Variants in MCF2L observed in about 807,000 individuals in gnomAD.
The protein encoded by MCF2L is MCF.2 cell line derived transforming sequence like.
A neutral mutation model predicts 153.4 loss-of-function variants in MCF2L; 97 were observed. The ratio of observed to expected loss-of-function variants is 0.63; its 90% confidence interval spans 0.54 to 0.75. The LOEUF (loss-of-function observed/expected upper bound fraction) is 0.75. Among genes scored for constraint, MCF2L ranks in the 30% least tolerant of loss-of-function variants. The pLI is 0.00. For missense variants in MCF2L, 1,347 were observed against 1,495.2 expected (o/e 0.90, Z 1.64); for synonymous variants, 659 against 632.2 (o/e 1.04, Z -0.64).
At chr13:112,935,896 G>A (rs945831878) in intron 2 of MCF2L, among the ~76,000 whole-genome samples, 1 of 152,106 alleles carries the variant, frequency 6.6e-6, no homozygotes, top group Non-Finnish European at 1.5e-5. Flanking sequence ...GGGTTGATGC[G>A]GCCACAAGCA....
intron 1 of MCF2L, among the ~76,000 whole-genome samples, chr13:112,981,537 G>A (rs2140907662): frequency 6.6e-6 from 1 of 152,300 alleles, no homozygotes; most frequent in Non-Finnish European, 1.5e-5. Flanking sequence ...CCGAGCCCTG[G>A]TCCCCAGATG....
At chr13:113,065,135 A>AGAAGCTGCGCGG (rs2032160841) in intron 7 of MCF2L, 50 bp downstream of exon 7, 1 of 1,602,134 alleles carries the variant, frequency 6.2e-7, no homozygotes, top group South Asian at 1.1e-5. Context: ...CCGGTCAGTC[A>AGAAGCTGCGCGG]GAAGCTGCGC....
chr13:113,062,959 C>G (rs2031763005), intron 5 of MCF2L, among the ~76,000 whole-genome samples: 1 of 152,230 alleles, frequency 6.6e-6, no homozygotes, highest in African/African-American at 2.4e-5. Flanking sequence ...TTGATTTCAA[C>G]TGGTGTCTAC....
At chr13:113,026,218 G>A (rs368321694) in intron 3 of MCF2L, among the ~76,000 whole-genome samples, 17 of 125,478 alleles carry the variant, frequency 1.4e-4, no homozygotes, top group African/African-American at 1.3e-4. Flanking sequence ...TCTCTGTGAG[G>A]TTCCACCAGG....
chr13:113,088,858 C>T (rs1010720931), intron 25 of MCF2L, among the ~76,000 whole-genome samples: 6 of 152,222 alleles, frequency 3.9e-5, no homozygotes, highest in African/African-American at 1.4e-4. Flanking sequence ...GTGGGCTGTT[C>T]CACAGCACGG....
In MCF2L at chr13:113,066,178, C is replaced by T. The variant is rs541419625; in HGVS notation, c.881+8C>T. 1 of 1,602,922 alleles carries T rather than the reference C, an allele frequency of 6.2e-7. No homozygotes were observed. Among genetic ancestry groups the T allele is most frequent in the African/African-American group, 1.3e-5 (1 of 74,926 alleles). On this transcript the variant is annotated splice_region_variant and intron_variant, in intron 8 of 29. Coordinates refer to ENST00000535094, the MANE Select transcript of MCF2L (RefSeq NM_001112732.3). ...CCAGGCCACCGTGCAGAGGTGAGGC[C>T]CGGCTGCCTTCCTGCCCTCATCCTG...
At chr13:113,060,735 C>G (rs898436025) in intron 5 of MCF2L, 23 bp downstream of exon 5, 1 of 1,610,364 alleles carries the variant, frequency 6.2e-7, no homozygotes, top group African/African-American at 1.3e-5. Flanking sequence ...CGCCTCCATC[C>G]TGCGGTAGCA....
At chr13:113,065,152 C>T (rs777450910) in intron 7 of MCF2L, 67 bp downstream of exon 7, 6 of 1,574,052 alleles carry the variant, frequency 3.8e-6, no homozygotes, top group Admixed American at 1.7e-5. Context: ...GCGCGGGGCT[C>T]CGGTCGGAAG....
intron 2 of MCF2L, among the ~76,000 whole-genome samples, chr13:113,016,461 G>A (rs144961014): frequency 1.3e-3 from 197 of 152,244 alleles, no homozygotes; most frequent in African/African-American, 4.2e-3. Context: ...ATCACAGCCC[G>A]GCAACCCCTC....
upstream of MCF2L, chr13:112,968,525 C>T: frequency 6.4e-7 from 1 of 1,568,034 alleles, no homozygotes; most frequent in Non-Finnish European, 8.6e-7. Context: ...GTCCTGCGTC[C>T]TTGGGCAGGC....
intron 1 of MCF2L, among the ~76,000 whole-genome samples, chr13:112,898,049 G>A (rs1332576987): frequency 6.6e-6 from 1 of 152,204 alleles, no homozygotes; most frequent in Non-Finnish European, 1.5e-5. Context: ...AGGTCTCCCA[G>A]CTCCCCCTGT....
intron 1 of MCF2L, among the ~76,000 whole-genome samples, chr13:112,997,132 G>A (rs2083173365): frequency 6.6e-6 from 1 of 152,240 alleles, no homozygotes; most frequent in Non-Finnish European, 1.5e-5. Context: ...TCTGGGGAGA[G>A]CAACTTCCCA....
intron 2 of MCF2L, among the ~76,000 whole-genome samples, chr13:112,912,987 GTGAT>G (rs2081249976): frequency 6.7e-6 from 1 of 149,806 alleles, no homozygotes; most frequent in African/African-American, 2.5e-5. Context: ...GTGTGTCTGT[GTGAT>G]TGTGTGTCTG....
chr13:113,072,226 T>C (rs1351496774), intron 9 of MCF2L, among the ~76,000 whole-genome samples: 1 of 152,194 alleles, frequency 6.6e-6, no homozygotes, highest in Non-Finnish European at 1.5e-5. Context: ...TTTGAGATGG[T>C]TTTTTGTGAA....
chr13:113,045,512 C>A lies in MCF2L; in HGVS notation c.369+151C>A, dbSNP rs2086758348. 1 of 680,698 alleles carries A rather than the reference C, an allele frequency of 1.5e-6. No individual in the cohort carries two copies. Among genetic ancestry groups the A allele is most frequent in the Non-Finnish European group, 2.5e-6 (1 of 392,606 alleles). 42.2% of individuals were successfully genotyped at this position (680,698 alleles called of 1,614,324 possible). On this transcript the variant is annotated intron_variant, in intron 4 of 29. Transcript: ENST00000535094. The surrounding 1 kb of genome is among the most constrained non-coding windows in gnomAD (Gnocchi z 4.2). ...GCGGGTGGAGGCCGGCGCCAAGGCCCCCCCTGCTTGGGCTCCCAAGGCACT... is the reference window on the plus strand; with the variant it reads ...GCGGGTGGAGGCCGGCGCCAAGGCCACCCCTGCTTGGGCTCCCAAGGCACT...
chr13:112,985,615 G>A (rs1391365805), intron 1 of MCF2L: 1 of 348,404 alleles, frequency 2.9e-6, no homozygotes, highest in African/African-American at 2.1e-5. Flanking sequence ...GTCCCCTGTG[G>A]AATTTGCAGT....
In MCF2L at chr13:113,024,617, A is replaced by T. The variant is rs1442053017; in HGVS notation, c.164-27A>T. ...CCCCGGGGGCATGGAGCCCTCGGCT[A>T]AGGGTCTGCCTCTGGTCTCTCCCCA... On this transcript the variant is annotated intron_variant, in intron 2 of 29. Transcript: ENST00000535094. The T allele has an allele frequency of 2.6e-6, 4 of 1,527,398 alleles. No homozygotes were observed. The East Asian group carries it at 9.1e-5, about 35-fold the overall frequency. 94.6% of individuals were successfully genotyped at this position (1,527,398 alleles called of 1,614,324 possible). A position where few individuals can be genotyped will look rare whatever the true frequency, so the allele number is the denominator to read the frequency against.
chr13:113,048,119 A>C (rs1443851488), intron 4 of MCF2L, among the ~76,000 whole-genome samples: 1 of 152,200 alleles, frequency 6.6e-6, no homozygotes, highest in East Asian at 1.9e-4. Flanking sequence ...CCCACAGCAG[A>C]CCCGTGATTT....
At chr13:112,976,564 C>T (rs1317505) in intron 1 of MCF2L, among the ~76,000 whole-genome samples, 59,538 of 152,020 alleles carry the variant, frequency 0.39, 11,876 homozygotes, top group Middle Eastern at 0.46. Flanking sequence ...CTGTGGCGGA[C>T]GGCAGTGTGT....
Sources: gnomAD v4.1 joint callset for allele counts (sites outside exome capture counted in the v4.1 genomes callset) on GRCh38, gnomAD v4.1.1 for gene constraint, Gnocchi (gnomAD v3.1) non-coding constraint, MANE v1.5 for transcripts, NCBI Gene and HGNC (gene_info 2026-07-23, HGNC 2026-07-21) for gene names.